PRDM5: variants seen among roughly 807,000 people sequenced by gnomAD.
PRDM5 encodes the protein PR domain zinc finger protein 5.
In PRDM5, 56 loss-of-function variants were observed where a neutral mutation model predicts 81.2. The observed-to-expected ratio is 0.69, with a 90% confidence interval of 0.56 to 0.86. PRDM5 has a LOEUF of 0.86. Ranked by LOEUF, PRDM5 falls within the 40% of genes least tolerant of loss-of-function variation. The pLI, the probability that PRDM5 is intolerant of heterozygous loss-of-function variation, is 0.00. For synonymous variants in PRDM5, 267 were observed against 256.4 expected (o/e 1.04, Z -0.39); for missense variants, 697 against 770.1 (o/e 0.91, Z 1.12).
intron 10 of PRDM5, among the ~76,000 whole-genome samples, chr4:120,788,346 C>A (rs1369805536): frequency 6.6e-6 from 1 of 151,976 alleles, no homozygotes; most frequent in Non-Finnish European, 1.5e-5. Flanking sequence ...CCATTTAAGC[C>A]GCATACATAT....
intron 2 of PRDM5, among the ~76,000 whole-genome samples, chr4:120,864,953 T>G (rs1013597772): frequency 2.0e-5 from 3 of 152,122 alleles, no homozygotes; most frequent in Non-Finnish European, 4.4e-5. Context: ...CATAGGAATA[T>G]CTCCCTGCTA....
At chr4:120,721,851 C>T (rs1170091852) in intron 14 of PRDM5, among the ~76,000 whole-genome samples, 1 of 152,226 alleles carries the variant, frequency 6.6e-6, no homozygotes, top group East Asian at 1.9e-4. Flanking sequence ...GGAAGGCCAT[C>T]ACTTGGCTCT....
In PRDM5 at chr4:120,692,672, T is replaced by C. The variant is rs1734142452; in HGVS notation, c.*2439A>G. 1 of 152,070 alleles carries C rather than the reference T, an allele frequency of 6.6e-6. No homozygotes were observed. The highest frequency in any genetic ancestry group is 1.5e-5 in the Non-Finnish European group (1 of 68,002). 9.4% of individuals were successfully genotyped at this position (152,070 alleles called of 1,614,324 possible). ...TAAATTTACTTAGCCAATTTCTAAG[T>C]CTCAATTACTTAGACTTTATAGGCA... On this transcript the variant is annotated 3_prime_UTR_variant, in exon 16 of 16. Transcript: ENST00000264808.
intron 2 of PRDM5, among the ~76,000 whole-genome samples, chr4:120,881,378 T>G (rs1282831682): frequency 2.0e-5 from 3 of 152,206 alleles, no homozygotes; most frequent in Non-Finnish European, 4.4e-5. Flanking sequence ...TTCCACAAAT[T>G]GGCAATAAGT....
chr4:120,844,619 C>T (rs1284142105), intron 3 of PRDM5, among the ~76,000 whole-genome samples: 1 of 152,172 alleles, frequency 6.6e-6, no homozygotes, highest in Non-Finnish European at 1.5e-5. Flanking sequence ...AGCCCTTCCC[C>T]CATCTCTCTC....
intron 1 of PRDM5, among the ~76,000 whole-genome samples, chr4:120,922,241 G>A (rs1725039967): frequency 6.6e-6 from 1 of 152,174 alleles, no homozygotes; most frequent in African/African-American, 2.4e-5. Context: ...TCTTGCGGCA[G>A]GGAGGCCGGT....
At chr4:120,778,821 T>A (rs530135378) in intron 12 of PRDM5, among the ~76,000 whole-genome samples, 18 of 152,268 alleles carry the variant, frequency 1.2e-4, no homozygotes, top group African/African-American at 4.1e-4. Context: ...TCTTTACATT[T>A]CAGTAAGAGC....
chr4:120,770,685 A>G (rs1401871497), intron 13 of PRDM5, among the ~76,000 whole-genome samples: 1 of 152,144 alleles, frequency 6.6e-6, no homozygotes, highest in Non-Finnish European at 1.5e-5. Flanking sequence ...AAAAAAAATT[A>G]GATAATTTCT....
chr4:120,907,703 C>A, intron 1 of PRDM5, 146 bp from the exon 2 acceptor site: 1 of 735,454 alleles, frequency 1.4e-6, no homozygotes, highest in East Asian at 2.7e-5. Flanking sequence ...ATTTACCCAA[C>A]ACAAAATGTT....
intron 4 of PRDM5, among the ~76,000 whole-genome samples, chr4:120,819,024 G>A (rs574263303): frequency 3.9e-5 from 6 of 152,270 alleles, no homozygotes; most frequent in African/African-American, 1.2e-4. Flanking sequence ...GACTGGTGCA[G>A]GTCTGACCAA....
rs373638346 is a variant in PRDM5 at position 120,791,732 on chromosome 4, C to T, written c.1188+6535G>A. Among the ~76,000 whole-genome samples the T allele has an allele frequency of 7.4e-4, 113 of 152,218 alleles. 2 individuals carry two copies. Among genetic ancestry groups the T allele is most frequent in the African/African-American group, 2.6e-3 (108 of 41,538 alleles). On this transcript the variant is annotated intron_variant, in intron 10 of 15. Transcript: ENST00000264808. ...CTGCTATGGACTCAATGTTTGTGTC[C>T]GACCAAAATTCATAGGTTGCGTCTT...
chr4:120,707,751 C>A (rs776680268), intron 15 of PRDM5, among the ~76,000 whole-genome samples: 13 of 151,902 alleles, frequency 8.6e-5, no homozygotes, highest in African/African-American at 2.9e-4. Context: ...AGAAAACCTA[C>A]AGAATGAAAA....
rs1455446221 is a variant in PRDM5, at chr4:120,720,422, C to A, written c.1624-10009G>T. 5.3e-5 allele frequency among the ~76,000 whole-genome samples: 8 copies of A among 152,284 alleles called. No homozygotes were observed. In the East Asian group the frequency reaches 1.4e-3, roughly 26 times the overall value. On this transcript the variant is annotated intron_variant, in intron 14 of 15. Transcript: ENST00000264808. ...TTTGAGACCAAAAGATGACTACTTG[C>A]TTCTATAAACCAAATTCGCAACAGA...
chr4:120,813,323 T>C (rs1442786583), intron 7 of PRDM5, among the ~76,000 whole-genome samples: 1 of 152,202 alleles, frequency 6.6e-6, no homozygotes, highest in Admixed American at 6.5e-5. Context: ...AAGCATATAG[T>C]ATAATGAATC....
chr4:120,732,714 G>A (rs970320933), intron 14 of PRDM5, among the ~76,000 whole-genome samples: 2 of 152,174 alleles, frequency 1.3e-5, no homozygotes, highest in South Asian at 2.1e-4. Context: ...CTGTTATTCA[G>A]TTTCCCTTTA....
intron 11 of PRDM5, 22 bp downstream of exon 11, chr4:120,784,975 CA>C: frequency 6.5e-7 from 1 of 1,539,236 alleles, no homozygotes; most frequent in South Asian, 1.1e-5. Context: ...CTTATATTCT[CA>C]ACTGCCTGAA....
At chr4:120,907,388 T>C (rs1765936167) in intron 2 of PRDM5, 86 bp downstream of exon 2, 13 of 1,025,394 alleles carry the variant, frequency 1.3e-5, no homozygotes, top group African/African-American at 3.3e-5. Context: ...TTAACTGGAA[T>C]CAATATCAAT....
rs185358625 is a variant in PRDM5, at chr4:120,756,372, C to T, written c.1538-1734G>A. Reference sequence around the variant, plus strand: ...TCCTGATTAGTTGTACCACATTCACCTAGTTAGCAAATTAAAAACTTGGGA... The same window carrying T: ...TCCTGATTAGTTGTACCACATTCACTTAGTTAGCAAATTAAAAACTTGGGA... On this transcript the variant is annotated intron_variant, in intron 13 of 15. Coordinates refer to ENST00000264808, the MANE Select transcript of PRDM5 (RefSeq NM_018699.4). Among the ~76,000 whole-genome samples the T allele has an allele frequency of 2.3e-4, 35 of 152,258 alleles. 1 individual carries two copies. Among genetic ancestry groups the T allele is most frequent in the Admixed American group, 6.5e-4 (10 of 15,288 alleles).
chr4:120,707,164 C>A (rs1402389938), intron 15 of PRDM5, among the ~76,000 whole-genome samples: 1 of 151,692 alleles, frequency 6.6e-6, no homozygotes, highest in African/African-American at 2.4e-5. Context: ...TGCAAAAATC[C>A]TAAAACAAAC....
Sources: allele counts gnomAD v4.1 joint callset (sites outside exome capture counted in the v4.1 genomes callset), GRCh38; gene constraint gnomAD v4.1.1; transcripts MANE v1.5; gene names NCBI Gene and HGNC (gene_info 2026-07-23, HGNC 2026-07-21).